Variants in NR2F1-AS1 observed in about 807,000 individuals in gnomAD.
NR2F1-AS1 encodes the protein NR2F1 antisense RNA 1.
intron 4 of NR2F1-AS1, among the ~76,000 whole-genome samples, chr5:93,514,645 T>G (rs1056841177): frequency 6.6e-6 from 1 of 152,058 alleles, no homozygotes; most frequent in Non-Finnish European, 1.5e-5. Context: ...AGAAAAGCAT[T>G]TTAGTTGGAG....
chr5:93,521,048 G>A (rs1331645712), intron 4 of NR2F1-AS1, among the ~76,000 whole-genome samples: 1 of 152,040 alleles, frequency 6.6e-6, no homozygotes, highest in Non-Finnish European at 1.5e-5. Flanking sequence ...AGAACAGAGA[G>A]CCCAGAAGTA....
intron 4 of NR2F1-AS1, among the ~76,000 whole-genome samples, chr5:93,526,619 C>A (rs1429551139): frequency 6.6e-6 from 1 of 152,154 alleles, no homozygotes; most frequent in African/African-American, 2.4e-5. Flanking sequence ...CAAACCGAAT[C>A]CAGCAGTACA....
At chr5:93,457,517 T>C (rs994571818) in intron 4 of NR2F1-AS1, among the ~76,000 whole-genome samples, 3 of 152,182 alleles carry the variant, frequency 2.0e-5, no homozygotes, top group Admixed American at 2.0e-4. Flanking sequence ...ATGGAGTCTC[T>C]TATGTCTACT....
At chr5:93,575,891 A>G (rs1315681955) in intron 1 of NR2F1-AS1, among the ~76,000 whole-genome samples, 5 of 152,198 alleles carry the variant, frequency 3.3e-5, no homozygotes, top group African/African-American at 1.2e-4. Flanking sequence ...ATCGCCCCCC[A>G]TGTATGGGAA....
At chr5:93,571,307 C>T (rs1333101307) in intron 1 of NR2F1-AS1, 2 of 151,684 alleles carry the variant, frequency 1.3e-5, no homozygotes, top group Non-Finnish European at 2.9e-5. Context: ...GACCCGGGAC[C>T]TCATCCCTGA....
intron 4 of NR2F1-AS1, among the ~76,000 whole-genome samples, chr5:93,439,705 AT>A (rs1387059297): frequency 6.6e-6 from 1 of 152,200 alleles, no homozygotes; most frequent in Non-Finnish European, 1.5e-5. Flanking sequence ...CTCATCCATG[AT>A]GTTTTCTCTG....
intron 4 of NR2F1-AS1, among the ~76,000 whole-genome samples, chr5:93,480,125 CA>C (rs748789620): frequency 3.0e-4 from 46 of 151,952 alleles, no homozygotes; most frequent in Non-Finnish European, 3.8e-4. Flanking sequence ...CAAAAACTTC[CA>C]AAATTTGATG....
chr5:93,445,956 A>G (rs1749695485), intron 4 of NR2F1-AS1, among the ~76,000 whole-genome samples: 1 of 152,222 alleles, frequency 6.6e-6, no homozygotes, highest in Admixed American at 6.5e-5. Context: ...AAACCACATG[A>G]TTATCTCAAT....
intron 1 of NR2F1-AS1, among the ~76,000 whole-genome samples, chr5:93,580,206 A>T (rs1752991076): frequency 6.6e-6 from 1 of 152,204 alleles, no homozygotes; most frequent in African/African-American, 2.4e-5. Context: ...CCTGTTTTGA[A>T]TGTGGATTGC....
intron 4 of NR2F1-AS1, among the ~76,000 whole-genome samples, chr5:93,429,503 G>A (rs1351390949): frequency 6.6e-6 from 1 of 152,148 alleles, no homozygotes. Flanking sequence ...CTAGTTGAAA[G>A]GAAATTTCAA....
chr5:93,533,094 G>C (rs1353370756), intron 4 of NR2F1-AS1, among the ~76,000 whole-genome samples: 1 of 152,118 alleles, frequency 6.6e-6, no homozygotes, highest in South Asian at 2.1e-4. Flanking sequence ...GCTTTTACCT[G>C]AAAAAATTAC....
chr5:93,453,494 A>G (rs976136536), intron 4 of NR2F1-AS1, among the ~76,000 whole-genome samples: 1 of 152,136 alleles, frequency 6.6e-6, no homozygotes, highest in African/African-American at 2.4e-5. Context: ...TCCACATATA[A>G]TAACATCATA....
At chr5:93,509,352 G>A (rs1042679131) in intron 4 of NR2F1-AS1, among the ~76,000 whole-genome samples, 1 of 152,086 alleles carries the variant, frequency 6.6e-6, no homozygotes, top group Non-Finnish European at 1.5e-5. Flanking sequence ...CTAGCGATAT[G>A]TGGATATTAA....
intron 4 of NR2F1-AS1, among the ~76,000 whole-genome samples, chr5:93,442,562 C>G (rs570224274): frequency 6.6e-6 from 1 of 152,280 alleles, no homozygotes; most frequent in African/African-American, 2.4e-5. Flanking sequence ...CTGGGTGGAG[C>G]CCACCACAGC....
chr5:93,516,177 C>A (rs1013282511), intron 4 of NR2F1-AS1, among the ~76,000 whole-genome samples: 1 of 151,842 alleles, frequency 6.6e-6, no homozygotes, highest in African/African-American at 2.4e-5. Flanking sequence ...ATACTCCACA[C>A]AAACACACTT....
intron 4 of NR2F1-AS1, among the ~76,000 whole-genome samples, chr5:93,495,599 A>G (rs979618518): frequency 2.6e-5 from 4 of 152,148 alleles, no homozygotes; most frequent in African/African-American, 9.6e-5. Flanking sequence ...TAAGAATCTG[A>G]AGATAATACC....
At chr5:93,437,379 A>G (rs1033473258) in intron 4 of NR2F1-AS1, among the ~76,000 whole-genome samples, 1 of 152,236 alleles carries the variant, frequency 6.6e-6, no homozygotes, top group Non-Finnish European at 1.5e-5. Flanking sequence ...GGGTTAAAGT[A>G]TATTATAAAA....
intron 4 of NR2F1-AS1, among the ~76,000 whole-genome samples, chr5:93,486,154 C>T (rs1416187766): frequency 7.1e-6 from 1 of 140,130 alleles, no homozygotes; most frequent in African/African-American, 2.7e-5. Flanking sequence ...GGGAGATATA[C>T]CTAATGCTAG....
chr5:93,578,542 C>T (rs541429345), intron 1 of NR2F1-AS1, among the ~76,000 whole-genome samples: 3 of 152,128 alleles, frequency 2.0e-5, no homozygotes, highest in Non-Finnish European at 2.9e-5. Context: ...GAAAGAGAGA[C>T]CCTGGAGAGG....
Sources: gnomAD v4.1 joint callset for allele counts (sites outside exome capture counted in the v4.1 genomes callset) on GRCh38, gnomAD v4.1.1 for gene constraint, MANE v1.5 for transcripts, NCBI Gene and HGNC (gene_info 2026-07-23, HGNC 2026-07-21) for gene names.